The following STK32B variants were observed in gnomAD, a reference collection of about 807,000 sequenced individuals.
STK32B encodes the protein serine/threonine-protein kinase 32B.
A neutral mutation model predicts 52.6 loss-of-function variants in STK32B; 43 were observed. The ratio of observed to expected loss-of-function variants is 0.82; its 90% CI spans 0.64 to 1.05. The LOEUF is 1.05. STK32B is among the 50% of genes least tolerant of loss of function. The probability of loss-of-function intolerance (pLI) is 0.00; values close to 1 mark genes in which losing one functional copy is unlikely to be tolerated. For synonymous variants in STK32B, 238 were observed against 204.3 expected, an observed-to-expected ratio of 1.17 and a Z score of -1.41; for missense variants, 621 against 534.6, an observed-to-expected ratio of 1.16 and a Z score of -1.59.
At chr4:5,203,872 G>A (rs964610314) in intron 3 of STK32B, among the ~76,000 whole-genome samples, 1 of 152,098 alleles carries the variant, frequency 6.6e-6, no homozygotes, top group African/African-American at 2.4e-5. Flanking sequence ...AAGTGCCTGG[G>A]AATTCACACA....
chr4:5,428,448 A>C (rs1713283166), intron 6 of STK32B, among the ~76,000 whole-genome samples: 3 of 152,144 alleles, frequency 2.0e-5, no homozygotes, highest in Admixed American at 2.0e-4. Context: ...TTTTTCTGAC[A>C]GTATTTGGGA....
chr4:5,371,895 C>G (rs1735270327), intron 4 of STK32B, among the ~76,000 whole-genome samples: 1 of 152,200 alleles, frequency 6.6e-6, no homozygotes, highest in African/African-American at 2.4e-5. Context: ...TGTGTAAGCT[C>G]ATTTCCCAGG....
chr4:5,114,450 C>T (rs867687614), intron 1 of STK32B, among the ~76,000 whole-genome samples: 3 of 151,978 alleles, frequency 2.0e-5, no homozygotes, highest in African/African-American at 7.3e-5. Context: ...TTTTCTATCA[C>T]GCTCACCAAA....
At chr4:5,203,544 G>C (rs1722321605) in intron 3 of STK32B, among the ~76,000 whole-genome samples, 1 of 152,078 alleles carries the variant, frequency 6.6e-6, no homozygotes, top group Admixed American at 6.5e-5. Flanking sequence ...ACTGTACAGG[G>C]GTTGGGCCCT....
rs1009132586 is a variant in STK32B at position 5,396,047 on chromosome 4, A to G, written c.435-2160A>G. ...CCCTTTGAGGTTTGCCCTCAACTCT[A>G]TCAGCTCTCCTTCCACCGTGCCAGT... On this transcript the variant is annotated intron_variant, in intron 4 of 11. Transcript: ENST00000282908. This position sits in a 1 kb window ranked among gnomAD's most constrained non-coding sequence, Gnocchi z 4.7. 1.3e-5 allele frequency among the ~76,000 whole-genome samples: 2 copies of G among 152,190 alleles called. No homozygotes were observed. Among genetic ancestry groups the G allele is most frequent in the African/African-American group, 4.8e-5 (2 of 41,462 alleles).
At chr4:5,028,771 A>C in the STK32B span, among the ~76,000 whole-genome samples, 1 of 120,082 alleles carries the variant, frequency 8.3e-6, no homozygotes, top group Non-Finnish European at 2.1e-5. Context: ...AGAATTCTAC[A>C]ATGACCCCTG....
At chr4:5,306,999 G>T (rs1729966432) in intron 3 of STK32B, among the ~76,000 whole-genome samples, 1 of 152,156 alleles carries the variant, frequency 6.6e-6, no homozygotes, top group South Asian at 2.1e-4. Context: ...TTTCTGCTAA[G>T]AAATCTGCTG....
intron 1 of STK32B, among the ~76,000 whole-genome samples, chr4:5,089,921 A>G (rs977532461): frequency 6.6e-6 from 1 of 152,148 alleles, no homozygotes; most frequent in Non-Finnish European, 1.5e-5. Flanking sequence ...CTGGCGTGAG[A>G]TGGTATCTCA....
rs775048920 is a variant in STK32B at position 5,460,133 on chromosome 4, T to C, written c.814T>C (p.Ser272Pro). 3.1e-6 allele frequency: 5 copies of C among 1,614,078 alleles called. 1 individual carries two copies. Among genetic ancestry groups the C allele is most frequent in the Admixed American group, 3.3e-5 (2 of 60,006 alleles). The change falls in exon 9 of 12, where the codon TCC (serine) becomes CCC (proline). Residue 272 changes from serine to proline, a missense_variant. Coordinates refer to ENST00000282908, the MANE Select transcript of STK32B (RefSeq NM_018401.3). This position sits in a 1 kb window ranked among gnomAD's most constrained non-coding sequence, Gnocchi z 4.8. ...LLTKDPESRV[S>P]SLHDIQSVPY... is the part of the protein sequence containing the mutation. ...GACCAAGGATCCTGAGAGCCGCGTG[T>C]CCAGCCTTCATGACATACAGAGCGT...
chr4:5,416,805 C>T (rs1249137117), intron 5 of STK32B, 40 bp from the exon 6 acceptor site: 2 of 1,584,160 alleles, frequency 1.3e-6, no homozygotes. Flanking sequence ...CAGCTGCCTG[C>T]AGCCCACGCT....
At chr4:5,174,268 G>A in intron 3 of STK32B, among the ~76,000 whole-genome samples, 1 of 152,162 alleles carries the variant, frequency 6.6e-6, no homozygotes, top group Non-Finnish European at 1.5e-5. Context: ...TTGCCAGTTT[G>A]TGTTTTTTAA....
chr4:5,251,775 A>G (rs1166458881), intron 3 of STK32B, among the ~76,000 whole-genome samples: 1 of 152,128 alleles, frequency 6.6e-6, no homozygotes, highest in African/African-American at 2.4e-5. Flanking sequence ...AATTCACGTT[A>G]CACAGATCTT....
rs889223037 is a variant in STK32B at position 5,499,202 on chromosome 4, C to G, written c.*119C>G. 1.5e-6 allele frequency: 2 copies of G among 1,358,578 alleles called. No homozygotes were observed. Among genetic ancestry groups the G allele is most frequent in the African/African-American group, 3.0e-5 (2 of 66,942 alleles). The allele number at this position is 1,358,578 out of a possible 1,614,324, so 84.2% of individuals were successfully genotyped here. On this transcript the variant is annotated 3_prime_UTR_variant, in exon 12 of 12. Transcript: ENST00000282908. ...CTGAAAACATCAGATGCAGAAAAAG[C>G]CCTGGACTTGGAGCTGGGAAGCCTG...
chr4:5,229,412 A>T (rs1724101166), intron 3 of STK32B, among the ~76,000 whole-genome samples: 1 of 152,202 alleles, frequency 6.6e-6, no homozygotes, highest in Non-Finnish European at 1.5e-5. Flanking sequence ...ATACAAATTC[A>T]ATGAGATAAA....
At chr4:5,388,368 G>A (rs1736390855) in intron 4 of STK32B, among the ~76,000 whole-genome samples, 1 of 152,194 alleles carries the variant, frequency 6.6e-6, no homozygotes, top group Non-Finnish European at 1.5e-5. Context: ...TAGGAACTGA[G>A]TAAGTCCTTG....
chr4:5,316,149 C>G (rs1452941725), intron 3 of STK32B, among the ~76,000 whole-genome samples: 1 of 72,160 alleles, frequency 1.4e-5, no homozygotes, highest in East Asian at 3.2e-4. Context: ...ATATATATAA[C>G]TAAATATATA....
At chr4:5,485,618 C>T (rs369749703) in intron 11 of STK32B, among the ~76,000 whole-genome samples, 81 of 152,304 alleles carry the variant, frequency 5.3e-4, no homozygotes, top group Middle Eastern at 3.4e-3. Context: ...AGCTTTGTTC[C>T]GTTGCTGGTG....
chr4:5,437,864 C>A, intron 6 of STK32B: 1 of 964,340 alleles, frequency 1.0e-6, no homozygotes, highest in South Asian at 4.8e-5. Flanking sequence ...GGATTCTGAA[C>A]AGCCAATGAC....
intron 11 of STK32B, among the ~76,000 whole-genome samples, chr4:5,496,451 T>C (rs935507725): frequency 4.6e-5 from 7 of 151,930 alleles, no homozygotes; most frequent in African/African-American, 1.7e-4. Flanking sequence ...GGGGTGGGAG[T>C]GACCCGATTT....
Sources: allele counts gnomAD v4.1 joint callset (sites outside exome capture counted in the v4.1 genomes callset), GRCh38; gene constraint gnomAD v4.1.1; non-coding constraint Gnocchi (gnomAD v3.1); transcripts MANE v1.5; gene names NCBI Gene and HGNC (gene_info 2026-07-23, HGNC 2026-07-21).